The following EXTL3 variants were observed in gnomAD, a reference collection of about 807,000 sequenced individuals.
The protein encoded by EXTL3 is exostosin like glycosyltransferase 3, also known as exostosin-like 3.
Under a neutral mutation model 69.3 loss-of-function variants are expected in EXTL3, and 27 were observed. The ratio of observed to expected loss-of-function variants is 0.39; its 90% CI spans 0.29 to 0.54. EXTL3 has a LOEUF of 0.54. Ranked by LOEUF, EXTL3 falls within the 20% of genes least tolerant of loss-of-function variation. EXTL3 has a pLI of 0.69. For missense variants in EXTL3, 1,003 were observed against 1,231.8 expected, an observed-to-expected ratio of 0.81 and a Z score of 2.78; for synonymous variants, 511 against 499.4, an observed-to-expected ratio of 1.02 and a Z score of -0.31.
intron 1 of EXTL3, among the ~76,000 whole-genome samples, chr8:28,624,867 C>T (rs1240794190): frequency 6.6e-6 from 1 of 152,172 alleles, no homozygotes; most frequent in East Asian, 1.9e-4. Context: ...AAGACACTGA[C>T]ACTCAGATCA....
At chr8:28,677,023 T>C (rs1416199471) in intron 1 of EXTL3, among the ~76,000 whole-genome samples, 3 of 151,934 alleles carry the variant, frequency 2.0e-5, no homozygotes, top group Non-Finnish European at 4.4e-5. Context: ...GAGTGAGCAT[T>C]TGAGGGTAGC....
intron 6 of EXTL3, among the ~76,000 whole-genome samples, chr8:28,748,900 G>A (rs1306042868): frequency 2.0e-5 from 3 of 152,158 alleles, no homozygotes; most frequent in African/African-American, 7.2e-5. Flanking sequence ...CTTGAGGCCA[G>A]GAGTTCCAGA....
chr8:28,651,588 G>A (rs1806921543), intron 1 of EXTL3, among the ~76,000 whole-genome samples: 1 of 152,082 alleles, frequency 6.6e-6, no homozygotes, highest in Admixed American at 6.6e-5. Flanking sequence ...GCCTTCCAAA[G>A]TGCTGGGATT....
chr8:28,745,000 C>G (rs908673934), intron 6 of EXTL3, among the ~76,000 whole-genome samples: 37 of 151,960 alleles, frequency 2.4e-4, no homozygotes, highest in African/African-American at 8.2e-4. Context: ...GTGTTCTAGA[C>G]TAAGTACCCA....
chr8:28,636,636 T>A (rs1197030307), intron 1 of EXTL3, among the ~76,000 whole-genome samples: 2 of 152,202 alleles, frequency 1.3e-5, no homozygotes, highest in African/African-American at 4.8e-5. Flanking sequence ...CTAGGAATCC[T>A]TTCGGCCACT....
chr8:28,731,268 T>C lies in EXTL3; in HGVS notation c.2194T>C (p.Trp732Arg). 8 of 1,614,188 alleles carry C rather than the reference T, an allele frequency of 5.0e-6. No individual in the cohort carries two copies. The highest frequency in any genetic ancestry group is 6.8e-6 in the Non-Finnish European group (8 of 1,179,998). ...KNSLNNRFLP[W>R]NEIETEAILS... is the part of the protein sequence containing the mutation. ...CAGTTTGAACAACCGATTCTTACCC[T>C]GGAATGAAATTGAGACAGAGGCCAT... is the stretch of plus-strand genomic sequence containing the variant. The change falls in exon 4 of 7, where the codon TGG becomes CGG. Residue 732 changes from tryptophan to arginine, a missense_variant. By Grantham distance (101) the Trp-to-Arg change is moderately radical. Transcript: ENST00000220562.
chr8:28,648,622 C>A, intron 1 of EXTL3, among the ~76,000 whole-genome samples: 1 of 152,044 alleles, frequency 6.6e-6, no homozygotes, highest in South Asian at 2.1e-4. Context: ...TTTCACTCTC[C>A]TCCCTCCCTC....
chr8:28,700,620 G>A (rs1009289376), upstream of EXTL3: 4 of 152,136 alleles, frequency 2.6e-5, no homozygotes, highest in Admixed American at 6.5e-5. Flanking sequence ...GGGGTTCCCT[G>A]GCGAGGAAAC....
At chr8:28,639,550 G>A (rs1255705966) in intron 1 of EXTL3, among the ~76,000 whole-genome samples, 1 of 152,172 alleles carries the variant, frequency 6.6e-6, no homozygotes, top group Non-Finnish European at 1.5e-5. Flanking sequence ...GCCTGCTGCG[G>A]CTCCTGCCTG....
intron 1 of EXTL3, among the ~76,000 whole-genome samples, chr8:28,636,067 A>G (rs1806649345): frequency 6.6e-6 from 1 of 152,030 alleles, no homozygotes; most frequent in Non-Finnish European, 1.5e-5. Flanking sequence ...ACAGTGGCTC[A>G]CACCTGTAAT....
intron 4 of EXTL3, among the ~76,000 whole-genome samples, chr8:28,731,914 T>C (rs917183342): frequency 6.6e-6 from 1 of 152,102 alleles, no homozygotes; most frequent in African/African-American, 2.4e-5. Flanking sequence ...GGTAAACATA[T>C]GTTGAACCCG....
At chr8:28,723,591 C>T (rs1431978631) in intron 3 of EXTL3, among the ~76,000 whole-genome samples, 1 of 150,684 alleles carries the variant, frequency 6.6e-6, no homozygotes, top group Non-Finnish European at 1.5e-5. Context: ...TCTGTTGCTT[C>T]AGGTCACTTG....
intron 1 of EXTL3, among the ~76,000 whole-genome samples, chr8:28,647,959 GGTGGGTT>G (rs1806861154): frequency 7.2e-6 from 1 of 138,148 alleles, no homozygotes; most frequent in Non-Finnish European, 1.5e-5. Context: ...ATGGGTTGGG[GGTGGGTT>G]GGGGGTGGGA....
intron 1 of EXTL3, among the ~76,000 whole-genome samples, chr8:28,707,578 A>G (rs1287203190): frequency 6.6e-6 from 1 of 152,246 alleles, no homozygotes; most frequent in Non-Finnish European, 1.5e-5. Flanking sequence ...TTGAGCTGCC[A>G]TCAATCTGAA....
chr8:28,613,086 T>C (rs1732335035), intron 2 of EXTL3, among the ~76,000 whole-genome samples: 1 of 152,238 alleles, frequency 6.6e-6, no homozygotes, highest in Admixed American at 6.5e-5. Context: ...TGCATCTTTG[T>C]TCATGAAAGA....
chr8:28,709,713 G>C (rs1800994612), intron 1 of EXTL3, among the ~76,000 whole-genome samples: 1 of 152,174 alleles, frequency 6.6e-6, no homozygotes, highest in Non-Finnish European at 1.5e-5. Context: ...CGAGTCTGTA[G>C]GATGGTTGTT....
intron 2 of EXTL3, among the ~76,000 whole-genome samples, chr8:28,609,834 G>A (rs1158383875): frequency 6.6e-6 from 1 of 151,228 alleles, no homozygotes; most frequent in African/African-American, 2.4e-5. Context: ...AGGCTGCAGT[G>A]AGCCATGATG....
rs887281197 is a variant in EXTL3, at chr8:28,690,531, A to G, written c.-52-22926A>G. ...AGGGGTACATGTGCAGGTTTGTTGTAGTAAACTTGTGTCATGGGGGTTTGT... is the reference window on the plus strand; with the variant it reads ...AGGGGTACATGTGCAGGTTTGTTGTGGTAAACTTGTGTCATGGGGGTTTGT... On this transcript the variant is annotated intron_variant, in intron 1 of 6. Coordinates refer to the EXTL3 transcript ENST00000523149. Among the ~76,000 whole-genome samples, 76 of 152,104 alleles carry G rather than the reference A, an allele frequency of 5.0e-4. 1 individual carries two copies. Among genetic ancestry groups the G allele is most frequent in the African/African-American group, 1.5e-3 (64 of 41,412 alleles).
intron 1 of EXTL3, among the ~76,000 whole-genome samples, chr8:28,638,136 C>G (rs945505524): frequency 6.6e-6 from 1 of 152,128 alleles, no homozygotes; most frequent in South Asian, 2.1e-4. Context: ...GCATTTCTGC[C>G]CTGGGCCCCC....
Sources: gnomAD v4.1 joint callset for allele counts (sites outside exome capture counted in the v4.1 genomes callset) on GRCh38, gnomAD v4.1.1 for gene constraint, MANE v1.5 for transcripts, NCBI Gene and HGNC (gene_info 2026-07-23, HGNC 2026-07-21) for gene names.